DSC1: variants seen among roughly 807,000 people sequenced by gnomAD.
The protein encoded by DSC1 is desmocollin 1, also known as desmocollin-1.
A neutral mutation model predicts 98.8 loss-of-function variants in DSC1; 79 were observed. That is an observed-to-expected ratio of 0.80 (90% confidence interval 0.67 to 0.96). The LOEUF (loss-of-function observed/expected upper bound fraction) is 0.96. DSC1 is among the 50% of genes least tolerant of loss of function. The pLI, the probability that DSC1 is intolerant of heterozygous loss-of-function variation, is 0.00. For synonymous variants in DSC1, 405 were observed against 372.1 expected, an observed-to-expected ratio of 1.09 and a Z score of -1.02; for missense variants, 1,115 against 1,075.9, an observed-to-expected ratio of 1.04 and a Z score of -0.51.
At chr18:31,138,171 C>T (rs572959530) in intron 11 of DSC1, among the ~76,000 whole-genome samples, 1 of 152,198 alleles carries the variant, frequency 6.6e-6, no homozygotes, top group South Asian at 2.1e-4. Context: ...ACACTACATT[C>T]ACTGTGCTTA....
At chr18:31,150,297 CCATCATCACCACCACTACT>C (rs1988953364) in intron 5 of DSC1, among the ~76,000 whole-genome samples, 1 of 46,350 alleles carries the variant, frequency 2.2e-5, no homozygotes, top group Non-Finnish European at 4.6e-5. Context: ...ACCACCACTA[CCATCATCACCACCACTACT>C]ACCATCATCA....
At chr18:31,139,163 A>C (rs1013301994) in intron 11 of DSC1, among the ~76,000 whole-genome samples, 1 of 152,100 alleles carries the variant, frequency 6.6e-6, no homozygotes, top group African/African-American at 2.4e-5. Flanking sequence ...TTTCCAGATC[A>C]CTACTTTACT....
Position 31,134,066 on chromosome 18 carries a change from T to C in DSC1, c.1941A>G (p.Gln647=). The change falls in exon 13 of 16, where the codon CAA becomes CAG. Residue 647 remains glutamine (Q), a synonymous_variant. Transcript: ENST00000257198. ...LDYNYYSVPI[Q]IKDRHGLVAT... ...CAACTAAACCATGCCTGTCTTTTAT[T>C]TGAATAGGCACAGAATAATAGTTAT... 1 of 1,611,644 alleles carries C rather than the reference T, an allele frequency of 6.2e-7. No individual in the cohort carries two copies. Among genetic ancestry groups the C allele is most frequent in the Non-Finnish European group, 8.5e-7 (1 of 1,179,554 alleles).
At chr18:31,156,648 T>C (rs1160073608) in intron 3 of DSC1, among the ~76,000 whole-genome samples, 1 of 152,224 alleles carries the variant, frequency 6.6e-6, no homozygotes, top group Admixed American at 6.5e-5. Flanking sequence ...GTCTTAAGCA[T>C]ATTAAGAGGA....
At position 31,134,053 on chromosome 18, in the gene DSC1, G is replaced by A; in HGVS notation, c.1954C>T (p.His652Tyr). 6.2e-7 allele frequency: 1 copy of A among 1,612,170 alleles called. No individual in the cohort carries two copies. Among genetic ancestry groups the A allele is most frequent in the Non-Finnish European group, 8.5e-7 (1 of 1,179,552 alleles). ...YSVPIQIKDR[H>Y]GLVATHMLTV... ...AACATATGTGTTGCAACTAAACCAT[G>A]CCTGTCTTTTATTTGAATAGGCACA... The change falls in exon 13 of 16, where the codon CAT (histidine) becomes TAT (tyrosine). Residue 652 changes from histidine (H) to tyrosine (Y), a missense_variant. By Grantham distance (83) the His-to-Tyr change is moderately conservative. Transcript: ENST00000257198.
intron 13 of DSC1, among the ~76,000 whole-genome samples, chr18:31,132,961 T>C (rs1466882948): frequency 6.6e-6 from 1 of 152,194 alleles, no homozygotes; most frequent in Non-Finnish European, 1.5e-5. Flanking sequence ...TAACTGATAT[T>C]TAAGATAGCA....
chr18:31,156,682 A>C (rs1989104692), intron 3 of DSC1, among the ~76,000 whole-genome samples: 1 of 152,254 alleles, frequency 6.6e-6, no homozygotes, highest in Non-Finnish European at 1.5e-5. Context: ...AAAAGAATTT[A>C]GTTGGGAAAT....
At chr18:31,144,017 C>T (rs1371363675) in intron 7 of DSC1, among the ~76,000 whole-genome samples, 1 of 152,116 alleles carries the variant, frequency 6.6e-6, no homozygotes, top group Non-Finnish European at 1.5e-5. Flanking sequence ...TCAAGCAATT[C>T]TCCTACCTCA....
chr18:31,138,725 TTCC>T (rs1175881884), intron 11 of DSC1, among the ~76,000 whole-genome samples: 2 of 148,388 alleles, frequency 1.3e-5, no homozygotes, highest in Non-Finnish European at 3.0e-5. Context: ...CAGTCAACCA[TTCC>T]TTCTAAAGAA....
chr18:31,140,664 A>G (rs917749959), intron 9 of DSC1, among the ~76,000 whole-genome samples: 1 of 152,210 alleles, frequency 6.6e-6, no homozygotes, highest in African/African-American at 2.4e-5. Context: ...CCTCCAAACT[A>G]AGTATATACA....
Position 31,142,039 on chromosome 18 carries a change from G to T in DSC1, c.1220C>A (p.Thr407Lys). Residue 407 changes from threonine to lysine, a missense_variant, in exon 9 of 16, where the codon ACA (threonine) becomes AAA (lysine). Thr to Lys is a moderately conservative substitution (Grantham distance 78). Coordinates refer to ENST00000257198, the MANE Select transcript of DSC1 (RefSeq NM_024421.2). ...CACTCCTTCATTTGTATTTGGATCT[G>T]TGCTAATTATGAAGTTTCCATTTTC... is the stretch of plus-strand genomic sequence containing the variant. ...GNENGNFIIS[T>K]DPNTNEGVLC... 1 of 1,612,096 alleles carries T rather than the reference G, an allele frequency of 6.2e-7. No homozygotes were observed. Among genetic ancestry groups the T allele is most frequent in the South Asian group, 1.1e-5 (1 of 90,576 alleles).
At chr18:31,145,585 CTAGA>C in intron 7 of DSC1, 22 bp downstream of exon 7, 1 of 1,611,874 alleles carries the variant, frequency 6.2e-7, no homozygotes, top group Non-Finnish European at 8.5e-7. Flanking sequence ...AGTTCAATGA[CTAGA>C]TAGTTAATTA....
chr18:31,148,776 AAT>A, intron 5 of DSC1, 134 bp from the exon 6 acceptor site: 1 of 825,810 alleles, frequency 1.2e-6, no homozygotes, highest in South Asian at 2.4e-5. Context: ...GAAATGATGC[AAT>A]AGAGAGATAA....
In DSC1 at chr18:31,151,119, A is replaced by G. The variant is rs1021366099; in HGVS notation, c.628-2477T>C. Among the ~76,000 whole-genome samples, 4 of 152,344 alleles carry G rather than the reference A, an allele frequency of 2.6e-5. No individual in the cohort carries two copies. In the East Asian group the frequency reaches 7.7e-4, roughly 29 times the overall value. On this transcript the variant is annotated intron_variant, in intron 5 of 15. Transcript: ENST00000257198. ...TAATTTGTCTTAGTTTTTCTCTTCA[A>G]TGGAAATGAAGATCATCTGCTTCCC...
intron 15 of DSC1, 87 bp downstream of exon 15, chr18:31,131,507 T>C: frequency 6.6e-7 from 1 of 1,519,150 alleles, no homozygotes; most frequent in Non-Finnish European, 9.0e-7. Context: ...ATTCCAGGTA[T>C]ATGAGGAGTA....
chr18:31,145,577 T>G, intron 7 of DSC1, 34 bp downstream of exon 7: 7 of 1,609,696 alleles, frequency 4.3e-6, no homozygotes, highest in Non-Finnish European at 5.9e-6. Context: ...TTAAATGTAG[T>G]TCAATGACTA....
rs1236708914 is a variant in DSC1 at position 31,145,713 on chromosome 18, C to T, written c.837G>A (p.Leu279=). The T allele has an allele frequency of 4.3e-6, 7 of 1,614,086 alleles. No individual in the cohort carries two copies. Among genetic ancestry groups the T allele is most frequent in the Non-Finnish European group, 5.9e-6 (7 of 1,180,038 alleles). The stretch of plus-strand genomic sequence containing the variant: ...GGATTTGTTGTAAGATTTTATATTT[C>T]AGACGAGTATGGAGAGTGTCAGGTT... ...LDEPDTLHTR[L]KYKILQQIPD... Residue 279 remains leucine, a synonymous_variant, in exon 7 of 16, where the codon CTG becomes CTA. Transcript: ENST00000257198.
intron 1 of DSC1, among the ~76,000 whole-genome samples, chr18:31,161,310 G>A (rs1020430998): frequency 6.6e-6 from 1 of 151,992 alleles, no homozygotes; most frequent in Non-Finnish European, 1.5e-5. Context: ...ATCATTGACT[G>A]AGGCATTGTT....
At position 31,134,594 on chromosome 18, in the gene DSC1, G is replaced by A. The variant is rs780531769; in HGVS notation, c.1854C>T (p.Asn618=). The change falls in exon 12 of 16, where the codon AAC becomes AAT. Residue 618 remains asparagine, a synonymous_variant. Transcript: ENST00000257198. Reference sequence around the variant, plus strand: ...TACCATCCTTTTCTTCTATGTTCCAGTTTTTACTGGCAGAATTATCCAGAA... The same window carrying A: ...TACCATCCTTTTCTTCTATGTTCCAATTTTTACTGGCAGAATTATCCAGAA... The part of the protein sequence containing the change: ...QFFLDNSASK[N]WNIEEKDGKT... The A allele has an allele frequency of 3.7e-6, 6 of 1,610,768 alleles. No individual in the cohort carries two copies. In the South Asian group the frequency reaches 6.6e-5, roughly 18 times the overall value.
Sources: allele counts gnomAD v4.1 joint callset (sites outside exome capture counted in the v4.1 genomes callset), GRCh38; gene constraint gnomAD v4.1.1; transcripts MANE v1.5; gene names NCBI Gene and HGNC (gene_info 2026-07-23, HGNC 2026-07-21).